AUH: variants seen among roughly 807,000 people sequenced by gnomAD.
AUH encodes AU RNA binding methylglutaconyl-CoA hydratase, also known as methylglutaconyl-CoA hydratase, mitochondrial.
AUH carries 29 observed loss-of-function variants against 42.3 expected under a neutral mutation model. The observed-to-expected ratio is 0.69, with a 90% CI of 0.51 to 0.93. The LOEUF (loss-of-function observed/expected upper bound fraction) is 0.93. Ranked by LOEUF, AUH falls within the 40% of genes least tolerant of loss-of-function variation. AUH has a pLI of 0.00. For synonymous variants in AUH, 174 were observed against 166.4 expected (o/e 1.05, Z -0.35); for missense variants, 452 against 438.1 (o/e 1.03, Z -0.28).
At chr9:91,246,437 A>C (rs1828798716) in intron 6 of AUH, among the ~76,000 whole-genome samples, 1 of 152,232 alleles carries the variant, frequency 6.6e-6, no homozygotes, top group Non-Finnish European at 1.5e-5. Context: ...TTTATTTAAG[A>C]AAGCCTAACT....
At position 91,299,846 on chromosome 9, in the gene AUH, CCTA is replaced by C. The variant is rs1008351420; in HGVS notation, c.506-1773_506-1771del. Among the ~76,000 whole-genome samples, 65 of 152,220 alleles carry C rather than the reference CCTA, an allele frequency of 4.3e-4. 1 individual carries two copies. Among genetic ancestry groups the C allele is most frequent in the African/African-American group, 1.5e-3 (62 of 41,542 alleles). On this transcript the variant is annotated intron_variant, in intron 4 of 9. Transcript: ENST00000375731. ...ATCATTTATTTCTAGACCTCCTCAA[CCTA>C]CTATCTCTCCAACCTCAAGTCTCAC...
intron 4 of AUH, among the ~76,000 whole-genome samples, chr9:91,324,128 A>G (rs1318599529): frequency 2.0e-5 from 3 of 152,210 alleles, no homozygotes; most frequent in African/African-American, 7.2e-5. Flanking sequence ...AACACAAAGA[A>G]TATAAAAATG....
intron 6 of AUH, among the ~76,000 whole-genome samples, chr9:91,278,437 C>G (rs770799861): frequency 6.6e-6 from 1 of 152,156 alleles, no homozygotes; most frequent in Non-Finnish European, 1.5e-5. Context: ...TGACAAGTAA[C>G]TATAAAAACC....
intron 3 of AUH, among the ~76,000 whole-genome samples, chr9:91,326,349 T>C (rs1829966230): frequency 1.3e-5 from 2 of 152,170 alleles, no homozygotes; most frequent in African/African-American, 2.4e-5. Flanking sequence ...TAGATATGTA[T>C]ACCCTAGAAA....
chr9:91,337,609 C>T (rs1458021044), intron 3 of AUH, among the ~76,000 whole-genome samples: 1 of 152,110 alleles, frequency 6.6e-6, no homozygotes, highest in Non-Finnish European at 1.5e-5. Flanking sequence ...AGGCCACCAA[C>T]CCATATATAA....
chr9:91,285,532 T>C (rs10512209), intron 6 of AUH, among the ~76,000 whole-genome samples: 3,334 of 152,186 alleles, frequency 0.022, 199 homozygotes, highest in East Asian at 0.21. Flanking sequence ...CAGCTTTATA[T>C]TGCCTTATCC....
At chr9:91,281,582 T>C (rs1397027015) in intron 6 of AUH, among the ~76,000 whole-genome samples, 3 of 152,220 alleles carry the variant, frequency 2.0e-5, no homozygotes, top group Non-Finnish European at 2.9e-5. Flanking sequence ...AGCCAACACG[T>C]CCAAAACAAT....
intron 6 of AUH, among the ~76,000 whole-genome samples, chr9:91,265,183 T>C (rs763574340): frequency 6.6e-6 from 1 of 152,204 alleles, no homozygotes; most frequent in Non-Finnish European, 1.5e-5. Context: ...CCTCCACTAT[T>C]TTGATAATTT....
intron 9 of AUH, 54 bp downstream of exon 9, chr9:91,216,005 G>A: frequency 6.6e-7 from 1 of 1,514,620 alleles, no homozygotes. Flanking sequence ...TATACAGAAG[G>A]TAAATATAAT....
chr9:91,361,848 G>T lies in AUH; in HGVS notation c.42C>A (p.Ser14=), dbSNP rs779854623. 2.0e-6 allele frequency: 3 copies of T among 1,491,492 alleles called. No homozygotes were observed. The highest frequency in any genetic ancestry group is 2.7e-6 in the Non-Finnish European group (3 of 1,126,770). 92.4% of individuals were successfully genotyped at this position (1,491,492 alleles called of 1,614,324 possible). ...AVAAAPGALG[S]LHAGGARLVA... Reference sequence around the variant, plus strand: ...CCAGGCGGGCGCCGCCAGCATGCAGGGATCCCAAGGCCCCAGGTGCCGCCG... The same window carrying T: ...CCAGGCGGGCGCCGCCAGCATGCAGTGATCCCAAGGCCCCAGGTGCCGCCG... The change falls in exon 1 of 10, where the codon TCC becomes TCA. Residue 14 remains serine (S), a synonymous_variant. Transcript: ENST00000375731.
chr9:91,225,339 A>C (rs1827379557), intron 6 of AUH, among the ~76,000 whole-genome samples: 1 of 152,246 alleles, frequency 6.6e-6, no homozygotes, highest in East Asian at 1.9e-4. Context: ...AGAACTAGAA[A>C]AAAATTACTT....
intron 6 of AUH, among the ~76,000 whole-genome samples, chr9:91,262,660 G>A (rs900535749): frequency 5.9e-5 from 9 of 151,996 alleles, no homozygotes; most frequent in Admixed American, 2.6e-4. Context: ...CATCCATTAC[G>A]GTAACACTAA....
intron 6 of AUH, among the ~76,000 whole-genome samples, chr9:91,268,765 G>C (rs1824867343): frequency 6.6e-6 from 1 of 151,986 alleles, no homozygotes; most frequent in Non-Finnish European, 1.5e-5. Flanking sequence ...AATACTTCTA[G>C]TTTTTATGAC....
At chr9:91,349,098 G>A (rs925469993) in intron 3 of AUH, among the ~76,000 whole-genome samples, 2 of 152,036 alleles carry the variant, frequency 1.3e-5, no homozygotes, top group East Asian at 1.9e-4. Context: ...AAACAACAAC[G>A]GCCAGGTTAC....
intron 6 of AUH, among the ~76,000 whole-genome samples, chr9:91,230,800 G>A (rs557126557): frequency 2.6e-5 from 4 of 152,244 alleles, no homozygotes; most frequent in Admixed American, 6.5e-5. Context: ...CAGGTCTGTT[G>A]GAGAACCCTG....
chr9:91,263,878 C>T (rs147584668), intron 6 of AUH, among the ~76,000 whole-genome samples: 7 of 152,290 alleles, frequency 4.6e-5, no homozygotes, highest in Non-Finnish European at 1.0e-4. Context: ...TTTAGCTCTT[C>T]TACTAGTTGT....
chr9:91,360,896 C>T (rs1043988808), intron 1 of AUH, among the ~76,000 whole-genome samples: 5 of 152,154 alleles, frequency 3.3e-5, no homozygotes, highest in African/African-American at 7.2e-5. Context: ...CCTTCACGAC[C>T]CTTTTAGCTT....
At chr9:91,225,840 A>G (rs1285420625) in intron 6 of AUH, among the ~76,000 whole-genome samples, 1 of 151,854 alleles carries the variant, frequency 6.6e-6, no homozygotes, top group Non-Finnish European at 1.5e-5. Context: ...ACTGAGAATG[A>G]CGATTTCCAA....
At position 91,260,234 on chromosome 9, in the gene AUH, AGT is replaced by A. The variant is rs980293791; in HGVS notation, c.655+35785_655+35786del. ...ACCTATACTGTATGTTTATGGTTAA[AGT>A]GTGTCTTTTATAAACAGCATGCCAT... On this transcript the variant is annotated intron_variant, in intron 6 of 9. Transcript: ENST00000375731. Among the ~76,000 whole-genome samples the A allele has an allele frequency of 3.3e-5, 5 of 152,120 alleles. 1 individual carries two copies. The East Asian group carries it at 7.7e-4, about 23-fold the overall frequency.
Sources: gnomAD v4.1 joint callset for allele counts (sites outside exome capture counted in the v4.1 genomes callset) on GRCh38, gnomAD v4.1.1 for gene constraint, MANE v1.5 for transcripts, NCBI Gene and HGNC (gene_info 2026-07-23, HGNC 2026-07-21) for gene names.